The following PTPRK variants were observed in gnomAD, a reference collection of about 807,000 sequenced individuals.
The protein encoded by PTPRK is protein tyrosine phosphatase receptor type K, also known as receptor-type tyrosine-protein phosphatase kappa.
PTPRK carries 75 observed loss-of-function variants against 178.0 expected under a neutral mutation model. That is an observed-to-expected ratio of 0.42 (90% CI 0.35 to 0.51). The LOEUF is 0.51. Among genes scored for constraint, PTPRK ranks in the 20% least tolerant of loss-of-function variants. PTPRK has a pLI of 0.02. For missense variants in PTPRK, 1,441 were observed against 1,797.8 expected, an observed-to-expected ratio of 0.80 and a Z score of 3.59; for synonymous variants, 637 against 620.6, an observed-to-expected ratio of 1.03 and a Z score of -0.39.
chr6:128,277,073 G>A (rs1820830569), intron 3 of PTPRK, among the ~76,000 whole-genome samples: 1 of 151,258 alleles, frequency 6.6e-6, no homozygotes, highest in African/African-American at 2.4e-5. Flanking sequence ...ACCTCTGCCT[G>A]AAGAATCTAC....
intron 1 of PTPRK, among the ~76,000 whole-genome samples, chr6:128,441,619 C>T (rs566235433): frequency 5.3e-4 from 80 of 152,206 alleles, no homozygotes; most frequent in African/African-American, 1.9e-3. Flanking sequence ...AAAGCTAATA[C>T]ACATAAGCTT....
intron 7 of PTPRK, among the ~76,000 whole-genome samples, chr6:128,160,155 A>G (rs1487447283): frequency 6.6e-6 from 1 of 151,766 alleles, no homozygotes; most frequent in East Asian, 1.9e-4. Context: ...CATATTAAGT[A>G]AAAATAATTA....
intron 1 of PTPRK, among the ~76,000 whole-genome samples, chr6:128,484,529 T>A (rs1852542731): frequency 6.6e-6 from 1 of 152,158 alleles, no homozygotes; most frequent in African/African-American, 2.4e-5. Context: ...CTAATTTCAT[T>A]GTTGTTGAGC....
chr6:128,128,346 T>C (rs1398350608), intron 7 of PTPRK, among the ~76,000 whole-genome samples: 1 of 152,096 alleles, frequency 6.6e-6, no homozygotes, highest in East Asian at 1.9e-4. Context: ...CCTCCCAGCC[T>C]CACTGCTTAT....
rs549730422 is a variant in PTPRK, at chr6:128,053,224, C to G, written c.2194+11534G>C. Among the ~76,000 whole-genome samples the G allele has an allele frequency of 9.2e-5, 14 of 151,484 alleles. No homozygotes were observed. The East Asian group carries it at 2.7e-3, about 29-fold the overall frequency. ...TTCACCTGTGTTTTTTAACTTTCTC[C>G]CTGCACCCCCACACCCTGCCACACA... On this transcript the variant is annotated intron_variant, in intron 13 of 29. Coordinates refer to ENST00000368226, the MANE Select transcript of PTPRK (RefSeq NM_002844.4).
intron 3 of PTPRK, among the ~76,000 whole-genome samples, chr6:128,305,073 T>C (rs1826175413): frequency 6.6e-6 from 1 of 152,234 alleles, no homozygotes; most frequent in Non-Finnish European, 1.5e-5. Flanking sequence ...TCTTGAATGC[T>C]ATAAAGATGA....
At chr6:128,481,975 T>C (rs1037859442) in intron 1 of PTPRK, among the ~76,000 whole-genome samples, 3 of 152,134 alleles carry the variant, frequency 2.0e-5, no homozygotes, top group Admixed American at 6.6e-5. Flanking sequence ...AACTGAATTT[T>C]GTTCTAATCA....
chr6:128,197,344 T>A (rs1387124257), intron 6 of PTPRK, among the ~76,000 whole-genome samples: 2 of 152,042 alleles, frequency 1.3e-5, no homozygotes, highest in Non-Finnish European at 2.9e-5. Flanking sequence ...TATCTTTAAA[T>A]GTCTATGTCC....
intron 8 of PTPRK, among the ~76,000 whole-genome samples, chr6:128,086,164 C>G (rs1229728639): frequency 6.6e-6 from 1 of 152,022 alleles, no homozygotes; most frequent in African/African-American, 2.4e-5. Flanking sequence ...ATTTCAGCTA[C>G]TTTTTTTGAA....
rs1206658032 is a variant in PTPRK at position 128,520,536 on chromosome 6, G to A, written c.-178C>T. 44 of 591,926 alleles carry A rather than the reference G, an allele frequency of 7.4e-5. No homozygotes were observed. In the South Asian group the frequency reaches 7.6e-4, roughly 10 times the overall value. The allele number at this position is 591,926 out of a possible 1,614,324, so 36.7% of individuals were successfully genotyped here. ...AAACTACCTCAGGGGCGAAAGCGTC[G>A]CCAGCGTCGCCGGCCGGCCGCGGCG... On this transcript the variant is annotated 5_prime_UTR_variant, in exon 1 of 30. Coordinates refer to ENST00000368226, the MANE Select transcript of PTPRK (RefSeq NM_002844.4).
intron 3 of PTPRK, among the ~76,000 whole-genome samples, chr6:128,300,352 C>A (rs1825363432): frequency 6.6e-6 from 1 of 152,084 alleles, no homozygotes; most frequent in Non-Finnish European, 1.5e-5. Flanking sequence ...TACCATTTGA[C>A]CCAGCCATCC....
chr6:128,314,026 T>G (rs537318975), intron 3 of PTPRK, among the ~76,000 whole-genome samples: 1 of 152,218 alleles, frequency 6.6e-6, no homozygotes, highest in African/African-American at 2.4e-5. Context: ...TCTCTGTCCC[T>G]CTGCAATGCC....
chr6:128,445,437 G>T (rs1408445830), intron 1 of PTPRK, among the ~76,000 whole-genome samples: 1 of 149,390 alleles, frequency 6.7e-6, no homozygotes, highest in Non-Finnish European at 1.5e-5. Flanking sequence ...ATCATCTATT[G>T]TATTAGTCCC....
chr6:128,324,996 C>T (rs968318724), intron 2 of PTPRK, among the ~76,000 whole-genome samples: 5 of 152,102 alleles, frequency 3.3e-5, no homozygotes, highest in Admixed American at 6.6e-5. Context: ...AGCTTATTTA[C>T]GATTGTTCTG....
chr6:128,181,729 T>C (rs919093195), intron 7 of PTPRK, among the ~76,000 whole-genome samples: 1 of 152,124 alleles, frequency 6.6e-6, no homozygotes, highest in Non-Finnish European at 1.5e-5. Flanking sequence ...GTAGTGGTAT[T>C]GGTAATTTCA....
chr6:128,156,639 T>C (rs1279962481), intron 7 of PTPRK, among the ~76,000 whole-genome samples: 2 of 151,888 alleles, frequency 1.3e-5, no homozygotes. Context: ...GGGATTACAA[T>C]TCACAATGAG....
intron 10 of PTPRK, among the ~76,000 whole-genome samples, chr6:128,081,795 A>C (rs1021106533): frequency 6.6e-6 from 1 of 152,094 alleles, no homozygotes; most frequent in Non-Finnish European, 1.5e-5. Flanking sequence ...GCAAGAATTT[A>C]ATCAGGTTTA....
intron 7 of PTPRK, among the ~76,000 whole-genome samples, chr6:128,176,096 T>A (rs1801028250): frequency 6.6e-6 from 1 of 151,910 alleles, no homozygotes; most frequent in South Asian, 2.1e-4. Context: ...CTAATATAAT[T>A]TTTAAGGTGG....
intron 3 of PTPRK, among the ~76,000 whole-genome samples, chr6:128,282,626 C>T (rs189330622): frequency 6.6e-6 from 1 of 152,322 alleles, no homozygotes; most frequent in African/African-American, 2.4e-5. Flanking sequence ...TTACATCAAT[C>T]TCTACAAATT....
Sources: gnomAD v4.1 joint callset for allele counts (sites outside exome capture counted in the v4.1 genomes callset) on GRCh38, gnomAD v4.1.1 for gene constraint, MANE v1.5 for transcripts, NCBI Gene and HGNC (gene_info 2026-07-23, HGNC 2026-07-21) for gene names.